Variants in SLC25A21 observed in about 807,000 individuals in gnomAD.
SLC25A21 encodes the protein mitochondrial 2-oxodicarboxylate carrier.
Under a neutral mutation model 43.8 loss-of-function variants are expected in SLC25A21, and 47 were observed. The observed-to-expected ratio is 1.07, with a 90% confidence interval of 0.85 to 1.37. The LOEUF is 1.37. Among genes scored for constraint, SLC25A21 ranks in the 40% most tolerant of loss-of-function variants. SLC25A21 has a pLI of 0.00. For synonymous variants in SLC25A21, 131 were observed against 121.3 expected, an observed-to-expected ratio of 1.08 and a Z score of -0.52; for missense variants, 352 against 350.2, an observed-to-expected ratio of 1.00 and a Z score of -0.04.
chr14:36,877,228 G>A (rs1890561444), intron 1 of SLC25A21, among the ~76,000 whole-genome samples: 2 of 152,014 alleles, frequency 1.3e-5, no homozygotes, highest in East Asian at 1.9e-4. Context: ...AGCGCTAGTT[G>A]GTACATTTCT....
At chr14:36,817,461 C>T (rs757682957) in intron 2 of SLC25A21, among the ~76,000 whole-genome samples, 1 of 152,064 alleles carries the variant, frequency 6.6e-6, no homozygotes, top group Admixed American at 6.6e-5. Context: ...AATGGGGAAG[C>T]GAACACCACA....
intron 1 of SLC25A21, among the ~76,000 whole-genome samples, chr14:36,925,823 G>A (rs1335499941): frequency 2.0e-5 from 3 of 152,040 alleles, no homozygotes; most frequent in African/African-American, 7.2e-5. Context: ...TTCCAGCCTG[G>A]GTGACAGAGC....
chr14:36,802,398 A>C (rs1277183664), intron 3 of SLC25A21, among the ~76,000 whole-genome samples: 1 of 152,176 alleles, frequency 6.6e-6, no homozygotes, highest in African/African-American at 2.4e-5. Flanking sequence ...AATTGGCTAC[A>C]ATATAAGGTA....
At chr14:36,746,576 T>G (rs1365312519) in intron 3 of SLC25A21, among the ~76,000 whole-genome samples, 2 of 152,180 alleles carry the variant, frequency 1.3e-5, no homozygotes, top group East Asian at 3.8e-4. Context: ...AACCCAGTTG[T>G]GCTAGTATCC....
At chr14:36,821,324 A>G (rs1188822497) in intron 2 of SLC25A21, among the ~76,000 whole-genome samples, 1 of 152,128 alleles carries the variant, frequency 6.6e-6, no homozygotes, top group Non-Finnish European at 1.5e-5. Flanking sequence ...CAGATGGTGG[A>G]AAGATGACAC....
intron 7 of SLC25A21, among the ~76,000 whole-genome samples, chr14:36,697,824 G>T (rs902601625): frequency 1.4e-5 from 2 of 146,244 alleles, no homozygotes; most frequent in Non-Finnish European, 3.0e-5. Flanking sequence ...TGTGAGATGG[G>T]TCTCCTGAAT....
chr14:36,689,315 A>G (rs1372379208), intron 7 of SLC25A21, among the ~76,000 whole-genome samples: 1 of 152,220 alleles, frequency 6.6e-6, no homozygotes, highest in Non-Finnish European at 1.5e-5. Context: ...GGTCCCTCCT[A>G]CAACATGTGG....
intron 1 of SLC25A21, among the ~76,000 whole-genome samples, chr14:36,945,549 C>T (rs182356494): frequency 1.9e-4 from 29 of 152,296 alleles, no homozygotes; most frequent in Admixed American, 1.9e-3. Flanking sequence ...GAAGGACATT[C>T]TGACACATGC....
chr14:36,923,992 G>C (rs1276486173), intron 1 of SLC25A21, among the ~76,000 whole-genome samples: 3 of 152,150 alleles, frequency 2.0e-5, no homozygotes, highest in Admixed American at 2.0e-4. Context: ...TCTCACACCA[G>C]TTAGAATGGT....
At chr14:36,861,502 C>G (rs1460375424) in intron 2 of SLC25A21, among the ~76,000 whole-genome samples, 1 of 152,154 alleles carries the variant, frequency 6.6e-6, no homozygotes, top group Admixed American at 6.5e-5. Context: ...TTCAGGTTTT[C>G]TCACGCTGCA....
intron 1 of SLC25A21, among the ~76,000 whole-genome samples, chr14:36,990,278 C>T (rs1960234339): frequency 6.6e-6 from 1 of 152,148 alleles, no homozygotes; most frequent in African/African-American, 2.4e-5. Context: ...TCAAGCTATG[C>T]AAGCCTTCCC....
At chr14:36,724,901 G>A (rs1884530430) in intron 6 of SLC25A21, among the ~76,000 whole-genome samples, 1 of 152,112 alleles carries the variant, frequency 6.6e-6, no homozygotes, top group African/African-American at 2.4e-5. Context: ...CACCTCAGTG[G>A]TTTAGCTATA....
intron 1 of SLC25A21, among the ~76,000 whole-genome samples, chr14:37,040,373 G>GAA (rs57318602): frequency 0.032 from 672 of 20,912 alleles, 53 homozygotes; most frequent in South Asian, 0.061. Context: ...GAGAGAGAGA[G>GAA]AGAAAGAAAG....
chr14:36,822,522 G>A (rs712345), intron 2 of SLC25A21, among the ~76,000 whole-genome samples: 101,678 of 151,990 alleles, frequency 0.67, 34,672 homozygotes, highest in South Asian at 0.83. Flanking sequence ...CTGTAAAGGA[G>A]ACCAATAAGT....
chr14:37,027,951 T>C (rs907303951), intron 1 of SLC25A21, among the ~76,000 whole-genome samples: 3 of 152,208 alleles, frequency 2.0e-5, no homozygotes, highest in Non-Finnish European at 4.4e-5. Flanking sequence ...CAAATACCAA[T>C]TGATTCAATC....
At chr14:37,022,650 G>A (rs995740485) in intron 1 of SLC25A21, among the ~76,000 whole-genome samples, 5 of 151,498 alleles carry the variant, frequency 3.3e-5, no homozygotes, top group African/African-American at 9.7e-5. Context: ...CCAGCTCTTC[G>A]GCCTATGTGC....
intron 1 of SLC25A21, among the ~76,000 whole-genome samples, chr14:37,048,964 T>TG: frequency 6.6e-6 from 1 of 152,276 alleles, no homozygotes; most frequent in African/African-American, 2.4e-5. Context: ...GACTCACCTG[T>TG]GGGGGGTTTG....
At chr14:37,122,043 C>T (rs144228265) in intron 1 of SLC25A21, among the ~76,000 whole-genome samples, 1 of 152,246 alleles carries the variant, frequency 6.6e-6, no homozygotes, top group Non-Finnish European at 1.5e-5. Flanking sequence ...AGGTACTCAA[C>T]CACCTTATCT....
rs368794362 is a variant in SLC25A21, at chr14:36,810,590, T to C, written c.203+3328A>G. Among the ~76,000 whole-genome samples the C allele has an allele frequency of 2.0e-5, 3 of 152,178 alleles. No homozygotes were observed. The East Asian group carries it at 5.8e-4, about 29-fold the overall frequency. On this transcript the variant is annotated intron_variant, in intron 3 of 9. Coordinates refer to ENST00000331299, the MANE Select transcript of SLC25A21 (RefSeq NM_030631.4). ...CACTAGGTGACCTCAAAATATTTAA[T>C]CAAGCATCAAGATCATTATCATAAC...
Sources: allele counts gnomAD v4.1 joint callset (sites outside exome capture counted in the v4.1 genomes callset), GRCh38; gene constraint gnomAD v4.1.1; transcripts MANE v1.5; gene names NCBI Gene and HGNC (gene_info 2026-07-23, HGNC 2026-07-21).